The following RTN4 variants were observed in gnomAD, a reference collection of about 807,000 sequenced individuals.
RTN4 encodes reticulon-4.
In RTN4, 32 loss-of-function variants were observed where a neutral mutation model predicts 90.4. The ratio of observed to expected loss-of-function variants is 0.35; its 90% CI spans 0.27 to 0.48. The LOEUF is 0.48. Ranked by LOEUF, RTN4 falls within the 20% of genes least tolerant of loss-of-function variation. The pLI is 0.99. For missense variants in RTN4, 1,706 were observed against 1,430.2 expected, an observed-to-expected ratio of 1.19 and a Z score of -3.11; for synonymous variants, 629 against 552.5, an observed-to-expected ratio of 1.14 and a Z score of -1.94.
At chr2:55,118,845 A>G in the RTN4 span, among the ~76,000 whole-genome samples, 4 of 152,218 alleles carry the variant, frequency 2.6e-5, no homozygotes, top group Non-Finnish European at 5.9e-5. Flanking sequence ...CAACCATCAG[A>G]TATGGGTCCC....
At chr2:55,007,693 G>C (rs1048681560) in intron 3 of RTN4, among the ~76,000 whole-genome samples, 1 of 152,034 alleles carries the variant, frequency 6.6e-6, no homozygotes, top group Non-Finnish European at 1.5e-5. Context: ...ATCTGATTTG[G>C]TAGGTCACGA....
chr2:55,107,494 G>A (rs889852124), intron 1 of RTN4, among the ~76,000 whole-genome samples: 1 of 151,904 alleles, frequency 6.6e-6, no homozygotes, highest in African/African-American at 2.4e-5. Flanking sequence ...TCTCACAGGG[G>A]AAGGCAGAAC....
chr2:55,119,125 GC>G, the RTN4 span, among the ~76,000 whole-genome samples: 2 of 152,180 alleles, frequency 1.3e-5, no homozygotes, highest in Non-Finnish European at 2.9e-5. Flanking sequence ...TGGATGGACT[GC>G]CCAATTATTA....
At chr2:54,996,610 T>C (rs1679446585) in intron 3 of RTN4, among the ~76,000 whole-genome samples, 1 of 152,212 alleles carries the variant, frequency 6.6e-6, no homozygotes, top group South Asian at 2.1e-4. Context: ...AAACAAATGG[T>C]GCTAGGACAA....
chr2:55,081,343 C>T (rs1668712000), intron 1 of RTN4, among the ~76,000 whole-genome samples: 1 of 152,140 alleles, frequency 6.6e-6, no homozygotes, highest in African/African-American at 2.4e-5. Flanking sequence ...TCCCTAAGTG[C>T]TGGGATTACA....
At position 55,026,715 on chromosome 2, in the gene RTN4, T is replaced by C. The variant is rs1681909343; in HGVS notation, c.1384A>G (p.Ile462Val). The C allele has an allele frequency of 1.9e-6, 3 of 1,613,422 alleles. No individual in the cohort carries two copies. The highest frequency in any genetic ancestry group is 2.2e-5 in the South Asian group (2 of 91,074). The change falls in exon 3 of 9, where the codon ATC (isoleucine) becomes GTC (valine). Residue 462 changes from isoleucine (I) to valine (V), a missense_variant. Coordinates refer to ENST00000337526, the MANE Select transcript of RTN4 (RefSeq NM_020532.5). The part of the protein sequence containing the change: ...EGIKDRSGAY[I>V]TCAPFNPAAT... ...GCTGGGTTAAAGGGAGCACATGTGA[T>C]ATATGCTCCTGAACGATCCTTTATA... is the stretch of plus-strand genomic sequence containing the variant.
intron 2 of RTN4, among the ~76,000 whole-genome samples, chr2:55,080,192 A>AT (rs993240672): frequency 4.0e-5 from 6 of 151,540 alleles, no homozygotes; most frequent in African/African-American, 1.5e-4. Flanking sequence ...AACTTTTTGT[A>AT]TTTTTTTTGT....
chr2:55,036,361 G>A (rs914990535), intron 1 of RTN4, among the ~76,000 whole-genome samples: 1 of 151,912 alleles, frequency 6.6e-6, no homozygotes, highest in Non-Finnish European at 1.5e-5. Flanking sequence ...CAGCACTTTG[G>A]GAGGCTGAGG....
At chr2:54,986,007 G>A (rs1391921746) in intron 4 of RTN4, among the ~76,000 whole-genome samples, 1 of 152,144 alleles carries the variant, frequency 6.6e-6, no homozygotes, top group Non-Finnish European at 1.5e-5. Flanking sequence ...ATCATTTGGG[G>A]TCAGGGTTAG....
chr2:55,055,671 G>A (rs1668176606), upstream of RTN4, among the ~76,000 whole-genome samples: 1 of 151,920 alleles, frequency 6.6e-6, no homozygotes, highest in Non-Finnish European at 1.5e-5. Context: ...TCGGGAGGCT[G>A]AGGCAGGAGA....
chr2:55,049,573 C>T lies in RTN4; in HGVS notation c.556+172G>A, dbSNP rs1263008264. The T allele has an allele frequency of 1.2e-5, 13 of 1,083,320 alleles. No individual in the cohort carries two copies. The East Asian group carries it at 2.4e-4, about 20-fold the overall frequency. 67.1% of individuals were successfully genotyped at this position (1,083,320 alleles called of 1,614,324 possible). A position where few individuals can be genotyped will look rare whatever the true frequency, so the allele number is the denominator to read the frequency against. On this transcript the variant is annotated intron_variant, in intron 1 of 8. Coordinates refer to ENST00000337526, the MANE Select transcript of RTN4 (RefSeq NM_020532.5). ...AAGAACAAACCCGGGCTCCAAGGGCCGCCCCACCCTTCTCCCCGCGCTTCC... is the reference window on the plus strand; with the variant it reads ...AAGAACAAACCCGGGCTCCAAGGGCTGCCCCACCCTTCTCCCCGCGCTTCC...
At chr2:55,084,519 A>G (rs1117448) in intron 1 of RTN4, among the ~76,000 whole-genome samples, 46 of 152,254 alleles carry the variant, frequency 3.0e-4, no homozygotes, top group Non-Finnish European at 6.2e-4. Context: ...CTAGCAAATG[A>G]TTGAACCCCT....
intron 2 of RTN4, among the ~76,000 whole-genome samples, chr2:55,079,540 C>A (rs1440174225): frequency 6.6e-6 from 1 of 152,202 alleles, no homozygotes; most frequent in Non-Finnish European, 1.5e-5. Context: ...AATACTGGTG[C>A]TGTTCCCAAA....
At chr2:55,027,586 G>A (rs1332335338) in intron 2 of RTN4, 101 bp from the exon 3 acceptor site, 11 of 1,183,392 alleles carry the variant, frequency 9.3e-6, no homozygotes, top group East Asian at 2.4e-5. Context: ...AAGACTTACT[G>A]TTTACTAAAA....
intron 1 of RTN4, among the ~76,000 whole-genome samples, chr2:55,037,163 G>A (rs1682747933): frequency 6.6e-6 from 1 of 152,054 alleles, no homozygotes; most frequent in African/African-American, 2.4e-5. Flanking sequence ...AAATATTTAG[G>A]CATAAATTTG....
intron 3 of RTN4, among the ~76,000 whole-genome samples, chr2:54,989,291 C>T (rs1678823053): frequency 2.0e-5 from 3 of 152,152 alleles, no homozygotes; most frequent in Admixed American, 2.0e-4. Context: ...GGCTTGAATG[C>T]TATTAATTTA....
At chr2:54,987,837 C>T (rs1308354342) in intron 3 of RTN4, 139 bp from the exon 4 acceptor site, 5 of 687,556 alleles carry the variant, frequency 7.3e-6, no homozygotes, top group African/African-American at 1.8e-5. Context: ...TAAAGAAACA[C>T]TAACTTTATA....
chr2:55,033,864 T>A (rs1444944318), intron 1 of RTN4, among the ~76,000 whole-genome samples: 1 of 152,208 alleles, frequency 6.6e-6, no homozygotes, highest in Non-Finnish European at 1.5e-5. Flanking sequence ...CTCAAACATT[T>A]TTCTTTTCTT....
At chr2:55,008,621 T>TA (rs1291449424) in intron 3 of RTN4, among the ~76,000 whole-genome samples, 1 of 152,136 alleles carries the variant, frequency 6.6e-6, no homozygotes, top group Non-Finnish European at 1.5e-5. Flanking sequence ...TTTGAGTACC[T>TA]AAAAATAATC....
Sources: gnomAD v4.1 joint callset for allele counts (sites outside exome capture counted in the v4.1 genomes callset) on GRCh38, gnomAD v4.1.1 for gene constraint, MANE v1.5 for transcripts, NCBI Gene and HGNC (gene_info 2026-07-23, HGNC 2026-07-21) for gene names.